Variants in AASS observed in about 807,000 individuals in gnomAD.
The protein encoded by AASS is aminoadipate-semialdehyde synthase, also known as alpha-aminoadipic semialdehyde synthase, mitochondrial.
AASS carries 86 observed loss-of-function variants against 105.4 expected under a neutral mutation model. The ratio of observed to expected loss-of-function variants is 0.82; its 90% confidence interval spans 0.69 to 0.98. The LOEUF is 0.98. Ranked by LOEUF, AASS falls within the 50% of genes least tolerant of loss-of-function variation. The probability of loss-of-function intolerance (pLI) is 0.00; values close to 1 mark genes in which losing one functional copy is unlikely to be tolerated. For missense variants in AASS, 1,048 were observed against 1,143.2 expected, an observed-to-expected ratio of 0.92 and a Z score of 1.20; for synonymous variants, 381 against 394.8, an observed-to-expected ratio of 0.96 and a Z score of 0.41.
At chr7:122,111,669 C>T (rs984545408) in intron 11 of AASS, among the ~76,000 whole-genome samples, 3 of 151,982 alleles carry the variant, frequency 2.0e-5, no homozygotes, top group Non-Finnish European at 4.4e-5. Flanking sequence ...TTTGGGAGGC[C>T]GAGGCGGGTG....
chr7:122,086,235 C>G, intron 18 of AASS, 56 bp from the exon 19 acceptor site: 2 of 1,529,660 alleles, frequency 1.3e-6, no homozygotes, highest in South Asian at 1.1e-5. Flanking sequence ...TCTTTTAGGG[C>G]TTATCTGCAT....
intron 22 of AASS, 95 bp from the exon 23 acceptor site, chr7:122,078,109 C>T: frequency 5.7e-6 from 7 of 1,227,824 alleles, no homozygotes; most frequent in Non-Finnish European, 8.4e-6. Context: ...TAAAAGTTTT[C>T]CCTCCTTTTA....
chr7:122,108,725 A>G (rs1044406828), intron 11 of AASS, among the ~76,000 whole-genome samples: 3 of 152,064 alleles, frequency 2.0e-5, no homozygotes, highest in East Asian at 1.9e-4. Context: ...CATACTGATC[A>G]TGGAAAATTG....
Position 122,129,496 on chromosome 7 carries a change from A to G in AASS, c.252T>C (p.Ser84=), listed in dbSNP as rs1795809761. 2 of 1,613,648 alleles carry G rather than the reference A, an allele frequency of 1.2e-6. No homozygotes were observed. Among genetic ancestry groups the G allele is most frequent in the South Asian group, 2.2e-5 (2 of 91,068 alleles). ...TAACTCCTAAAATTAGACAAGCTTC[A>G]GAAATATCCTCCTGAAGAATGCCAC... is the stretch of plus-strand genomic sequence containing the variant. ...KAGGILQEDI[S]EACLILGVKR... The change falls in exon 3 of 24, where the codon TCT becomes TCC. Residue 84 remains serine, a synonymous_variant. Transcript: ENST00000417368.
chr7:122,133,279 C>G (rs1205940171), intron 2 of AASS, among the ~76,000 whole-genome samples: 1 of 152,078 alleles, frequency 6.6e-6, no homozygotes, highest in Non-Finnish European at 1.5e-5. Flanking sequence ...GGAGTCTTAT[C>G]CCCCTAGTCC....
Position 122,085,513 on chromosome 7 carries a change from T to C in AASS, c.2184+499A>G, listed in dbSNP as rs6968099. On this transcript the variant is annotated intron_variant, in intron 19 of 23. Transcript: ENST00000417368. ...TCCATGTTTTTTTAATGACATTGAC[T>C]CCATCTCCAGTTCTAGGACATATAA... is the stretch of plus-strand genomic sequence containing the variant. Among the ~76,000 whole-genome samples the C allele has an allele frequency of 4.6e-3, 699 of 152,186 alleles. 4 individuals carry two copies. Among genetic ancestry groups the C allele is most frequent in the African/African-American group, 0.016 (671 of 41,532 alleles).
intron 20 of AASS, among the ~76,000 whole-genome samples, chr7:122,080,597 A>C (rs1793266543): frequency 6.6e-6 from 1 of 152,122 alleles, no homozygotes; most frequent in African/African-American, 2.4e-5. Flanking sequence ...AATGCACACA[A>C]AAAAAATGAA....
chr7:122,118,180 G>A, intron 6 of AASS, 127 bp downstream of exon 6: 1 of 1,008,062 alleles, frequency 9.9e-7, no homozygotes, highest in Non-Finnish European at 1.5e-6. Flanking sequence ...AAAATACATT[G>A]GTAAGAAAAG....
chr7:122,093,059 T>C lies in AASS; in HGVS notation c.1755A>G (p.Glu585=), dbSNP rs1453453305. 6.2e-7 allele frequency: 1 copy of C among 1,613,850 alleles called. No homozygotes were observed. Among genetic ancestry groups the C allele is most frequent in the East Asian group, 2.2e-5 (1 of 44,876 alleles). The change falls in exon 16 of 24, where the codon GAA becomes GAG. Residue 585 remains glutamate, a synonymous_variant. Coordinates refer to ENST00000417368, the MANE Select transcript of AASS (RefSeq NM_005763.4). ...TASYITPALK[E]LEKSVEDAGI... ...TGATTAAAACTTACCTCTTTTCCAA[T>C]TCTTTTAGTGCTGGTGTGATGTAGC...
At position 122,076,371 on chromosome 7, in the gene AASS, T is replaced by C. The variant is rs1051685255; in HGVS notation, c.*118A>G. Reference sequence around the variant, plus strand: ...GATTTATAGTTCAAAAAGTACATTGTGTTAACCAAAACATATTATGCTTTA... The same window carrying C: ...GATTTATAGTTCAAAAAGTACATTGCGTTAACCAAAACATATTATGCTTTA... On this transcript the variant is annotated 3_prime_UTR_variant, in exon 24 of 24. Transcript: ENST00000417368. 1 of 780,130 alleles carries C rather than the reference T, an allele frequency of 1.3e-6. No homozygotes were observed. The highest frequency in any genetic ancestry group is 2.4e-5 in the East Asian group (1 of 40,970). 48.3% of individuals were successfully genotyped at this position (780,130 alleles called of 1,614,324 possible). A position where few individuals can be genotyped will look rare whatever the true frequency, so the allele number is the denominator to read the frequency against.
In AASS at chr7:122,073,817, A is replaced by C. The variant is rs1482908271; in HGVS notation, c.*2672T>G. ...TCGCCTGTTCTGGACATTTCATATA[A>C]ATGAAATCATATAATATGTGGCCTT... On this transcript the variant is annotated 3_prime_UTR_variant, in exon 24 of 24. Coordinates refer to ENST00000417368, the MANE Select transcript of AASS (RefSeq NM_005763.4). Among the ~76,000 whole-genome samples the C allele has an allele frequency of 6.6e-6, 1 of 152,150 alleles. No homozygotes were observed. Among genetic ancestry groups the C allele is most frequent in the East Asian group, 1.9e-4 (1 of 5,192 alleles).
intron 19 of AASS, 86 bp downstream of exon 19, chr7:122,085,926 T>A (rs2150511778): frequency 6.7e-7 from 1 of 1,486,906 alleles, no homozygotes; most frequent in Non-Finnish European, 9.4e-7. Context: ...ATCATCTTAA[T>A]TATTTTGACT....
chr7:122,143,329 TTC>T (rs1199845105), intron 1 of AASS, among the ~76,000 whole-genome samples: 3 of 151,490 alleles, frequency 2.0e-5, no homozygotes, highest in African/African-American at 4.8e-5. Flanking sequence ...CGAGCGCTCT[TTC>T]TCTCTCTCTC....
At chr7:122,137,973 A>G (rs279703) in intron 1 of AASS, among the ~76,000 whole-genome samples, 47,922 of 152,018 alleles carry the variant, frequency 0.32, 8,255 homozygotes, top group African/African-American at 0.46. Flanking sequence ...GGGGAAAAAA[A>G]GAGCTAGAAA....
rs1249981692 is a variant in AASS, at chr7:122,074,176, AGTGTT to A, written c.*2308_*2312del. On this transcript the variant is annotated 3_prime_UTR_variant, in exon 24 of 24. Transcript: ENST00000417368. Reference sequence around the variant, plus strand: ...CTTTGATTATATATCTATTCCAGTGAGTGTTAAGTGATATCTCATTGTAGATCTCA... The same window carrying A: ...CTTTGATTATATATCTATTCCAGTGAAAGTGATATCTCATTGTAGATCTCA... 2.6e-4 allele frequency among the ~76,000 whole-genome samples: 40 copies of A among 152,140 alleles called. No individual in the cohort carries two copies. The highest frequency in any genetic ancestry group is 2.6e-3 in the Admixed American group (40 of 15,262).
intron 1 of AASS, among the ~76,000 whole-genome samples, chr7:122,135,861 T>C (rs1399269842): frequency 1.7e-5 from 1 of 57,252 alleles, no homozygotes; most frequent in Non-Finnish European, 3.2e-5. Context: ...ATGCTCCTAA[T>C]TTTTATATAC....
rs57828681 is a variant in AASS at position 122,140,485 on chromosome 7, C to CAAAAAAAAAAAAAAAAAAAA, written c.-16+3656_-16+3675dup. Among the ~76,000 whole-genome samples, 141 of 37,298 alleles carry CAAAAAAAAAAAAAAAAAAAA rather than the reference C, an allele frequency of 3.8e-3. 5 individuals are homozygous for CAAAAAAAAAAAAAAAAAAAA. The highest frequency in any genetic ancestry group is 0.026 in the Middle Eastern group (1 of 38). The allele number at this position is 37,298 out of a possible 152,430, so 24.5% of individuals were successfully genotyped here. ...TGGGCGACAGAGCGAGACTCAGTCT[C>CAAAAAAAAAAAAAAAAAAAA]AAAAAAAAAAAAAAAAAAAAAAAGA... is the stretch of plus-strand genomic sequence containing the variant. On this transcript the variant is annotated intron_variant, in intron 1 of 23. Coordinates refer to ENST00000417368, the MANE Select transcript of AASS (RefSeq NM_005763.4).
In AASS at chr7:122,077,703, C is replaced by T. The variant is rs968809455; in HGVS notation, c.2662+135G>A. The T allele has an allele frequency of 4.2e-5, 48 of 1,129,718 alleles. No individual in the cohort carries two copies. In the East Asian group the frequency reaches 4.8e-4, roughly 11 times the overall value. 70.0% of individuals were successfully genotyped at this position (1,129,718 alleles called of 1,614,324 possible). A position where few individuals can be genotyped will look rare whatever the true frequency, so the allele number is the denominator to read the frequency against. On this transcript the variant is annotated intron_variant, in intron 23 of 23. Transcript: ENST00000417368. ...AAAAGGGGACCTCCCAGGCAGTCCG[C>T]GCTTGGATCTTCTAAGATGGTTCAC...
At chr7:122,128,180 A>G (rs1194720746) in intron 3 of AASS, among the ~76,000 whole-genome samples, 3 of 151,954 alleles carry the variant, frequency 2.0e-5, no homozygotes, top group Non-Finnish European at 2.9e-5. Context: ...CTCTTCCACC[A>G]TTTCTTCCAG....
Sources: allele counts gnomAD v4.1 joint callset (sites outside exome capture counted in the v4.1 genomes callset), GRCh38; gene constraint gnomAD v4.1.1; transcripts MANE v1.5; gene names NCBI Gene and HGNC (gene_info 2026-07-23, HGNC 2026-07-21).